The following AFG2A variants were observed in gnomAD, a reference collection of about 807,000 sequenced individuals.
AFG2A encodes the protein ATPase family gene 2 protein homolog A.
the AFG2A span, among the ~76,000 whole-genome samples, chr4:123,125,021 C>T: frequency 6.6e-6 from 1 of 152,112 alleles, no homozygotes; most frequent in Non-Finnish European, 1.5e-5. Context: ...ATGAAAATGG[C>T]CTGCTCTTGA....
the AFG2A span, among the ~76,000 whole-genome samples, chr4:123,050,321 C>G: frequency 2.0e-5 from 3 of 152,004 alleles, no homozygotes; most frequent in African/African-American, 7.2e-5. Flanking sequence ...GTTAGGTCCA[C>G]TTGGTGTATA....
At chr4:123,075,578 T>C in the AFG2A span, among the ~76,000 whole-genome samples, 1 of 151,900 alleles carries the variant, frequency 6.6e-6, no homozygotes, top group Admixed American at 6.6e-5. Flanking sequence ...GATTTACCCA[T>C]TCTTAAATTA....
the AFG2A span, among the ~76,000 whole-genome samples, chr4:123,020,323 T>C: frequency 8.1e-4 from 123 of 152,110 alleles, 1 homozygote; most frequent in African/African-American, 2.7e-3. Context: ...TGTATTCCTA[T>C]CACTTTAAAA....
chr4:123,188,002 A>G, the AFG2A span, among the ~76,000 whole-genome samples: 1 of 151,870 alleles, frequency 6.6e-6, no homozygotes, highest in Non-Finnish European at 1.5e-5. Flanking sequence ...TATCTCAAAA[A>G]AAAAAAAAAA....
At chr4:123,090,441 A>G in the AFG2A span, 39 of 906,044 alleles carry the variant, frequency 4.3e-5, no homozygotes, top group South Asian at 4.4e-4. Context: ...TGCAGTAAAT[A>G]AAGTCTCAAA....
chr4:123,243,298 G>A, the AFG2A span, among the ~76,000 whole-genome samples: 18 of 152,206 alleles, frequency 1.2e-4, no homozygotes, highest in East Asian at 1.9e-3. Context: ...ACATGCACAC[G>A]TATGTTTATT....
At chr4:123,256,551 C>T in the AFG2A span, among the ~76,000 whole-genome samples, 1 of 152,178 alleles carries the variant, frequency 6.6e-6, no homozygotes, top group East Asian at 1.9e-4. Flanking sequence ...AATGATACTA[C>T]TACCTTCCCT....
the AFG2A span, among the ~76,000 whole-genome samples, chr4:122,927,372 A>G: frequency 6.6e-6 from 1 of 152,128 alleles, no homozygotes; most frequent in Non-Finnish European, 1.5e-5. Flanking sequence ...GAAATTAGAG[A>G]CTCAGAAAAA....
chr4:122,933,782 A>G, the AFG2A span, among the ~76,000 whole-genome samples: 1 of 152,142 alleles, frequency 6.6e-6, no homozygotes, highest in African/African-American at 2.4e-5. Flanking sequence ...GACAGATGCT[A>G]TCTTGGAGTG....
the AFG2A span, among the ~76,000 whole-genome samples, chr4:123,185,086 C>T: frequency 6.6e-6 from 1 of 152,114 alleles, no homozygotes; most frequent in East Asian, 1.9e-4. Flanking sequence ...CTAGGCAAAG[C>T]CAATTTGGTG....
chr4:123,059,832 T>G, the AFG2A span, among the ~76,000 whole-genome samples: 1 of 152,100 alleles, frequency 6.6e-6, no homozygotes, highest in Non-Finnish European at 1.5e-5. Flanking sequence ...CCTGACTTTT[T>G]AATGATCGCC....
chr4:122,944,149 G>A, the AFG2A span, among the ~76,000 whole-genome samples: 233 of 152,216 alleles, frequency 1.5e-3, no homozygotes, highest in Middle Eastern at 0.014. Context: ...TCTTTGTGGC[G>A]TTCTCTGTAT....
chr4:123,133,701 A>G, the AFG2A span, among the ~76,000 whole-genome samples: 2 of 152,130 alleles, frequency 1.3e-5, no homozygotes, highest in Non-Finnish European at 2.9e-5. Context: ...CTAATTTACA[A>G]TATCACTTTA....
chr4:123,250,137 G>T, the AFG2A span, among the ~76,000 whole-genome samples: 1 of 152,080 alleles, frequency 6.6e-6, no homozygotes, highest in Non-Finnish European at 1.5e-5. Context: ...ACTTTTGTCT[G>T]AACAAGTATT....
At chr4:123,009,685 T>G in the AFG2A span, among the ~76,000 whole-genome samples, 2 of 152,200 alleles carry the variant, frequency 1.3e-5, no homozygotes, top group Non-Finnish European at 2.9e-5. Context: ...GGTCAGGTCT[T>G]TTGTAGAATG....
chr4:123,114,129 G>A, the AFG2A span, among the ~76,000 whole-genome samples: 7 of 152,136 alleles, frequency 4.6e-5, no homozygotes, highest in South Asian at 6.2e-4. Flanking sequence ...CTCTGCAGTC[G>A]GTCCCTCCAC....
chr4:123,097,234 G>A, the AFG2A span, among the ~76,000 whole-genome samples: 3 of 151,806 alleles, frequency 2.0e-5, no homozygotes, highest in South Asian at 2.1e-4. Flanking sequence ...CGTATCTTTC[G>A]ATATTCAAAT....
At chr4:123,164,578 C>T in the AFG2A span, among the ~76,000 whole-genome samples, 2 of 152,022 alleles carry the variant, frequency 1.3e-5, no homozygotes, top group South Asian at 2.1e-4. Flanking sequence ...ACCATGTTGG[C>T]CAGGCTTTTA....
At chr4:123,044,283 T>C in the AFG2A span, among the ~76,000 whole-genome samples, 4 of 152,210 alleles carry the variant, frequency 2.6e-5, no homozygotes, top group African/African-American at 9.6e-5. Flanking sequence ...TTGTTTGTGC[T>C]GTTAATCATT....
Sources: gnomAD v4.1 joint callset for allele counts (sites outside exome capture counted in the v4.1 genomes callset) on GRCh38, gnomAD v4.1.1 for gene constraint, MANE v1.5 for transcripts, NCBI Gene and HGNC (gene_info 2026-07-23, HGNC 2026-07-21) for gene names.